The following DIS3L2 variants were observed in gnomAD, a reference collection of about 807,000 sequenced individuals.
The protein encoded by DIS3L2 is DIS3-like exonuclease 2.
In DIS3L2, 34 loss-of-function variants were observed where a neutral mutation model predicts 97.5. The observed-to-expected ratio is 0.35, with a 90% CI of 0.27 to 0.46. DIS3L2 has a LOEUF of 0.46. Among genes scored for constraint, DIS3L2 ranks in the 20% least tolerant of loss-of-function variants. The pLI, the probability that DIS3L2 is intolerant of heterozygous loss-of-function variation, is 1.00. For synonymous variants in DIS3L2, 435 were observed against 445.2 expected, an observed-to-expected ratio of 0.98 and a Z score of 0.29; for missense variants, 1,038 against 1,146.0, an observed-to-expected ratio of 0.91 and a Z score of 1.36.
chr2:232,083,640 G>A (rs900340124), intron 5 of DIS3L2, among the ~76,000 whole-genome samples: 5 of 151,854 alleles, frequency 3.3e-5, no homozygotes, highest in Non-Finnish European at 7.4e-5. Flanking sequence ...GATTACACAC[G>A]TGTGCCACCA....
intron 13 of DIS3L2, among the ~76,000 whole-genome samples, chr2:232,296,347 T>G (rs1479732651): frequency 6.6e-6 from 1 of 152,244 alleles, no homozygotes; most frequent in Non-Finnish European, 1.5e-5. Flanking sequence ...TTAATCTTTC[T>G]CAGCCTCAAG....
intron 12 of DIS3L2, among the ~76,000 whole-genome samples, chr2:232,261,622 A>G (rs1693714275): frequency 6.6e-6 from 1 of 152,134 alleles, no homozygotes; most frequent in South Asian, 2.1e-4. Context: ...TCCAGAACCC[A>G]TTTGCAGTAC....
intron 5 of DIS3L2, among the ~76,000 whole-genome samples, chr2:232,044,536 C>G (rs1234509413): frequency 1.3e-5 from 2 of 152,078 alleles, no homozygotes; most frequent in East Asian, 3.9e-4. Flanking sequence ...GGATGATAAA[C>G]TTGTTTCGAC....
At chr2:232,278,117 C>G (rs774163550) in intron 13 of DIS3L2, among the ~76,000 whole-genome samples, 1 of 152,044 alleles carries the variant, frequency 6.6e-6, no homozygotes, top group African/African-American at 2.4e-5. Context: ...TTTGTTAATA[C>G]GATAGATTGG....
chr2:232,115,685 T>A (rs1176870425), intron 6 of DIS3L2, among the ~76,000 whole-genome samples: 4 of 152,176 alleles, frequency 2.6e-5, no homozygotes, highest in Admixed American at 2.0e-4. Context: ...CAAGATCTGA[T>A]GATTCTATAA....
rs376717969 is a variant in DIS3L2, at chr2:231,987,088, A to G, written c.-94+25323A>G. The stretch of plus-strand genomic sequence containing the variant: ...GTCTTGCATATTAGAAATAGAGTTT[A>G]TAGGAAACCCTAAGTTGTCTGGGCT... On this transcript the variant is annotated intron_variant, in intron 1 of 20. Transcript: ENST00000325385. 1.7e-4 allele frequency among the ~76,000 whole-genome samples: 26 copies of G among 152,320 alleles called. 1 individual carries two copies. In the East Asian group the frequency reaches 3.1e-3, roughly 18 times the overall value.
intron 1 of DIS3L2, among the ~76,000 whole-genome samples, chr2:232,000,712 C>G (rs1574800154): frequency 8.7e-6 from 1 of 115,474 alleles, no homozygotes; most frequent in South Asian, 2.7e-4. Flanking sequence ...TTCCTTCTTT[C>G]TTTCTTCTTC....
chr2:232,182,427 T>C (rs913058308), intron 9 of DIS3L2, among the ~76,000 whole-genome samples: 10 of 152,234 alleles, frequency 6.6e-5, no homozygotes, highest in Non-Finnish European at 1.0e-4. Context: ...TAGATATCTG[T>C]TAGATCTAAT....
intron 9 of DIS3L2, among the ~76,000 whole-genome samples, chr2:232,173,332 G>A (rs1691046249): frequency 6.6e-6 from 1 of 152,154 alleles, no homozygotes. Flanking sequence ...CCTGGTTCAA[G>A]CGATTCTCCT....
chr2:232,205,295 A>G (rs952635439), intron 9 of DIS3L2, among the ~76,000 whole-genome samples: 1 of 150,236 alleles, frequency 6.7e-6, no homozygotes, highest in African/African-American at 2.5e-5. Context: ...TTGCTCTATC[A>G]CCCAGGCTAG....
chr2:232,273,218 T>A lies in DIS3L2; in HGVS notation c.1659+9778T>A, dbSNP rs553851066. The stretch of plus-strand genomic sequence containing the variant: ...ACTTTATTTATACCTGTTACCTGTC[T>A]TTATCACACTGTCACATTGTCTTGC... On this transcript the variant is annotated intron_variant, in intron 13 of 20. Transcript: ENST00000325385. Among the ~76,000 whole-genome samples, 6 of 152,292 alleles carry A rather than the reference T, an allele frequency of 3.9e-5. No individual in the cohort carries two copies. The South Asian group carries it at 1.2e-3, about 32-fold the overall frequency.
intron 6 of DIS3L2, among the ~76,000 whole-genome samples, chr2:232,125,867 A>T (rs1173920064): frequency 6.6e-6 from 1 of 152,206 alleles, no homozygotes; most frequent in Non-Finnish European, 1.5e-5. Context: ...TTTCATTTCT[A>T]CATTTCACTG....
intron 5 of DIS3L2, among the ~76,000 whole-genome samples, chr2:232,079,247 CAG>C (rs1042961905): frequency 1.3e-5 from 2 of 152,012 alleles, no homozygotes; most frequent in Admixed American, 6.6e-5. Context: ...GTTGGGGAAA[CAG>C]AAAGTAAATA....
intron 5 of DIS3L2, among the ~76,000 whole-genome samples, chr2:232,085,434 G>A (rs983117581): frequency 2.0e-5 from 3 of 152,172 alleles, no homozygotes; most frequent in Non-Finnish European, 4.4e-5. Context: ...TGCCTGGCAC[G>A]AGGTGGGCAT....
chr2:232,128,558 G>A (rs896035308), intron 6 of DIS3L2, among the ~76,000 whole-genome samples: 2 of 143,618 alleles, frequency 1.4e-5, no homozygotes, highest in East Asian at 2.2e-4. Context: ...AGGCTCAGGT[G>A]ATCTTCCCAC....
chr2:232,088,791 A>G (rs915427098), intron 6 of DIS3L2, among the ~76,000 whole-genome samples: 10 of 152,228 alleles, frequency 6.6e-5, no homozygotes, highest in African/African-American at 2.4e-4. Context: ...AAGAGACTTA[A>G]GGAAAATATT....
rs1014642594 is a variant in DIS3L2 at position 232,037,160 on chromosome 2, T to C, written c.366+7080T>C. Among the ~76,000 whole-genome samples, 1 of 152,218 alleles carries C rather than the reference T, an allele frequency of 6.6e-6. No homozygotes were observed. The highest frequency in any genetic ancestry group is 1.5e-5 in the Non-Finnish European group (1 of 68,032). On this transcript the variant is annotated intron_variant, in intron 5 of 20. Transcript: ENST00000325385. This position sits in a 1 kb window ranked among gnomAD's most constrained non-coding sequence, Gnocchi z 4.6. Reference sequence around the variant, plus strand: ...CATCCGCCCCTTCCCCCAGGTGCTCTGTCCCAGGGAGATGGGAGTTTTACC... The same window carrying C: ...CATCCGCCCCTTCCCCCAGGTGCTCCGTCCCAGGGAGATGGGAGTTTTACC...
At chr2:232,065,104 T>C (rs1311452614) in intron 5 of DIS3L2, among the ~76,000 whole-genome samples, 1 of 152,120 alleles carries the variant, frequency 6.6e-6, no homozygotes, top group East Asian at 1.9e-4. Flanking sequence ...CTTCTTAAAA[T>C]TGTGGTAAGA....
At position 232,325,886 on chromosome 2, in the gene DIS3L2, G is replaced by A. The variant is rs1440663436; in HGVS notation, c.1740-3927G>A. ...CCAGTGCCCACATCAGAGGAGGAAG[G>A]TATGAGGCCAGGGCAGGGGGCAGGG... On this transcript the variant is annotated intron_variant, in intron 14 of 20. Coordinates refer to ENST00000325385, the MANE Select transcript of DIS3L2 (RefSeq NM_152383.5). The surrounding 1 kb of genome is among the most constrained non-coding windows in gnomAD (Gnocchi z 4.6). Among the ~76,000 whole-genome samples, 1 of 152,206 alleles carries A rather than the reference G, an allele frequency of 6.6e-6. No homozygotes were observed. Among genetic ancestry groups the A allele is most frequent in the Non-Finnish European group, 1.5e-5 (1 of 68,024 alleles).
Sources: gnomAD v4.1 joint callset for allele counts (sites outside exome capture counted in the v4.1 genomes callset) on GRCh38, gnomAD v4.1.1 for gene constraint, Gnocchi (gnomAD v3.1) non-coding constraint, MANE v1.5 for transcripts, NCBI Gene and HGNC (gene_info 2026-07-23, HGNC 2026-07-21) for gene names.